The following CORO2B variants were observed in gnomAD, a reference collection of about 807,000 sequenced individuals.
CORO2B encodes coronin-2B.
CORO2B carries 26 observed loss-of-function variants against 58.8 expected under a neutral mutation model. The ratio of observed to expected loss-of-function variants is 0.44; its 90% confidence interval spans 0.32 to 0.61. The LOEUF (loss-of-function observed/expected upper bound fraction) is 0.61. Among genes scored for constraint, CORO2B ranks in the 20% least tolerant of loss-of-function variants. CORO2B has a pLI of 0.04. For missense variants in CORO2B, 460 were observed against 645.1 expected, an observed-to-expected ratio of 0.71 and a Z score of 3.11; for synonymous variants, 242 against 253.8, an observed-to-expected ratio of 0.95 and a Z score of 0.44.
Position 68,710,737 on chromosome 15 carries a change from G to A in CORO2B, c.339G>A (p.Arg113=), listed in dbSNP as rs1892894384. 2 of 1,605,604 alleles carry A rather than the reference G, an allele frequency of 1.2e-6. No individual in the cohort carries two copies. Among genetic ancestry groups the A allele is most frequent in the Admixed American group, 1.7e-5 (1 of 59,198 alleles). ...ACCCTCATCTCCCTCTGCAGGTGCGGATCTGGGAGATCCCCGAGGGCGGGC... is the reference window on the plus strand; with the variant it reads ...ACCCTCATCTCCCTCTGCAGGTGCGAATCTGGGAGATCCCCGAGGGCGGGC... ...IASCSEDTSV[R]IWEIPEGGLK... Residue 113 remains arginine, a synonymous_variant, in exon 4 of 12, where the codon CGG becomes CGA. Coordinates refer to ENST00000261861, the MANE Select transcript of CORO2B (RefSeq NM_006091.5). This position sits in a 1 kb window ranked among gnomAD's most constrained non-coding sequence, Gnocchi z 4.1.
At chr15:68,657,224 T>A (rs8026551) in intron 2 of CORO2B, among the ~76,000 whole-genome samples, 77,913 of 151,880 alleles carry the variant, frequency 0.51, 20,026 homozygotes, top group Middle Eastern at 0.65. Flanking sequence ...AGCCAATTAT[T>A]TTGAAACACA....
chr15:68,538,993 T>A, the CORO2B span, among the ~76,000 whole-genome samples: 1 of 152,372 alleles, frequency 6.6e-6, no homozygotes, highest in African/African-American at 2.4e-5. Context: ...AGAACAGTAA[T>A]CACACTTTTA....
chr15:68,726,024 A>G lies in CORO2B; in HGVS notation c.*50A>G. ...GCCGATCTCTCCGTCGTTTCTACTC[A>G]TCCCTTAACTTCTCCCTTACCAGTG... is the stretch of plus-strand genomic sequence containing the variant. On this transcript the variant is annotated 3_prime_UTR_variant, in exon 12 of 12. Coordinates refer to ENST00000261861, the MANE Select transcript of CORO2B (RefSeq NM_006091.5). 1 of 1,604,174 alleles carries G rather than the reference A, an allele frequency of 6.2e-7. No homozygotes were observed. The highest frequency in any genetic ancestry group is 8.5e-7 in the Non-Finnish European group (1 of 1,178,896).
At chr15:68,698,073 T>A (rs961572362) in intron 3 of CORO2B, among the ~76,000 whole-genome samples, 11 of 152,214 alleles carry the variant, frequency 7.2e-5, no homozygotes, top group African/African-American at 2.6e-4. Context: ...GCCTTTCACA[T>A]ACATTTAGCT....
At chr15:68,669,487 T>C (rs910180940) in intron 2 of CORO2B, among the ~76,000 whole-genome samples, 4 of 152,136 alleles carry the variant, frequency 2.6e-5, no homozygotes, top group South Asian at 2.1e-4. Flanking sequence ...CTGACTGAAA[T>C]TGCAGTATGC....
At chr15:68,663,401 G>A (rs948170189) in intron 2 of CORO2B, among the ~76,000 whole-genome samples, 1 of 152,168 alleles carries the variant, frequency 6.6e-6, no homozygotes, top group Non-Finnish European at 1.5e-5. Flanking sequence ...ATGCAGGTAC[G>A]TCTGTAGAAT....
At chr15:68,574,860 C>T (rs1377266647), upstream of CORO2B, among the ~76,000 whole-genome samples, 2 of 152,232 alleles carry the variant, frequency 1.3e-5, no homozygotes, top group South Asian at 2.1e-4. Context: ...AATAGGAGTT[C>T]GCCATGCTGA....
intron 5 of CORO2B, among the ~76,000 whole-genome samples, chr15:68,712,365 A>G (rs1378020500): frequency 1.3e-5 from 2 of 152,194 alleles, no homozygotes; most frequent in African/African-American, 2.4e-5. Context: ...AAAGTTTTCT[A>G]GTACTATAGG....
intron 2 of CORO2B, among the ~76,000 whole-genome samples, chr15:68,660,554 A>G (rs1901981155): frequency 6.6e-6 from 1 of 151,986 alleles, no homozygotes; most frequent in African/African-American, 2.4e-5. Context: ...TATTTTTTGT[A>G]GAGATGGGGT....
chr15:68,671,176 T>A (rs1902381409), intron 2 of CORO2B, among the ~76,000 whole-genome samples: 1 of 152,140 alleles, frequency 6.6e-6, no homozygotes, highest in Non-Finnish European at 1.5e-5. Context: ...AACCACTCTC[T>A]CCAGCTGGGC....
the CORO2B span, among the ~76,000 whole-genome samples, chr15:68,522,282 TACC>T: frequency 1.3e-5 from 2 of 152,212 alleles, no homozygotes; most frequent in Admixed American, 1.3e-4. Flanking sequence ...TCTCTTTAAA[TACC>T]ACTTCTTCTC....
intron 1 of CORO2B, among the ~76,000 whole-genome samples, chr15:68,631,041 G>A (rs972151024): frequency 6.6e-6 from 1 of 152,182 alleles, no homozygotes; most frequent in African/African-American, 2.4e-5. Flanking sequence ...GGTGAGGGGT[G>A]TTCCCGTGGT....
intron 1 of CORO2B, among the ~76,000 whole-genome samples, chr15:68,587,388 T>C (rs1196213695): frequency 6.6e-6 from 1 of 152,184 alleles, no homozygotes; most frequent in Non-Finnish European, 1.5e-5. Context: ...AGGCTCACCC[T>C]GGGTAGGTGC....
At chr15:68,626,702 C>T (rs2140256265) in intron 1 of CORO2B, among the ~76,000 whole-genome samples, 1 of 152,308 alleles carries the variant, frequency 6.6e-6, no homozygotes, top group East Asian at 1.9e-4. Flanking sequence ...GCTCAGGCCC[C>T]ATCATCAAGT....
chr15:68,690,284 C>T (rs1344887758), intron 2 of CORO2B, among the ~76,000 whole-genome samples: 1 of 152,290 alleles, frequency 6.6e-6, no homozygotes, highest in Admixed American at 6.5e-5. Context: ...TACAGCCCAC[C>T]ACTGCCTAGA....
At chr15:68,589,569 A>G (rs933240364) in intron 1 of CORO2B, among the ~76,000 whole-genome samples, 1 of 152,236 alleles carries the variant, frequency 6.6e-6, no homozygotes. Context: ...AAGTTTTCCC[A>G]AGGGGGTATA....
intron 1 of CORO2B, among the ~76,000 whole-genome samples, chr15:68,590,706 A>AGGGCATTATT (rs1390261353): frequency 2.6e-5 from 4 of 152,124 alleles, no homozygotes; most frequent in African/African-American, 9.7e-5. Flanking sequence ...TAATGCCCTA[A>AGGGCATTATT]GTGGTTGTCA....
At chr15:68,725,348 G>A (rs34605864) in intron 11 of CORO2B, among the ~76,000 whole-genome samples, 28,078 of 151,950 alleles carry the variant, frequency 0.18, 2,702 homozygotes, top group Middle Eastern at 0.22. Flanking sequence ...CAGCCTGGGC[G>A]ACAAAGCGAG....
the CORO2B span, among the ~76,000 whole-genome samples, chr15:68,536,864 C>T: frequency 1.3e-5 from 2 of 152,212 alleles, no homozygotes; most frequent in Admixed American, 6.5e-5. Flanking sequence ...TTCATCAGCC[C>T]TTCCTCCTTC....
Sources: gnomAD v4.1 joint callset for allele counts (sites outside exome capture counted in the v4.1 genomes callset) on GRCh38, gnomAD v4.1.1 for gene constraint, Gnocchi (gnomAD v3.1) non-coding constraint, MANE v1.5 for transcripts, NCBI Gene and HGNC (gene_info 2026-07-23, HGNC 2026-07-21) for gene names.